Variants in PTBP3 observed in about 807,000 individuals in gnomAD.
The protein encoded by PTBP3 is polypyrimidine tract-binding protein 3.
In PTBP3, 20 loss-of-function variants were observed where a neutral mutation model predicts 58.7. The observed-to-expected ratio is 0.34, with a 90% CI of 0.24 to 0.50. The LOEUF is 0.50. PTBP3 is among the 20% of genes least tolerant of loss of function. PTBP3 has a pLI of 0.98. For missense variants in PTBP3, 509 were observed against 637.2 expected (o/e 0.80, Z 2.17); for synonymous variants, 185 against 219.8 (o/e 0.84, Z 1.40).
Position 112,234,816 on chromosome 9 carries a change from T to C in PTBP3, c.880+4A>G, listed in dbSNP as rs755518607. The C allele has an allele frequency of 6.2e-7, 1 of 1,606,210 alleles. No individual in the cohort carries two copies. ...TCATTTCAAATCCAACTTAAAAGAA[T>C]CACCTGTAGCTTGAGGAAATCCAAT... On this transcript the variant is annotated splice_donor_region_variant and intron_variant, in intron 8 of 13. Coordinates refer to ENST00000374257, the MANE Select transcript of PTBP3 (RefSeq NM_001163788.4).
chr9:112,324,859 G>A (rs1474303007), intron 1 of PTBP3, among the ~76,000 whole-genome samples: 1 of 152,096 alleles, frequency 6.6e-6, no homozygotes, highest in East Asian at 1.9e-4. Flanking sequence ...CAGTTTGGCT[G>A]ACACATGAGG....
intron 7 of PTBP3, chr9:112,242,806 C>G (rs1835712428): frequency 6.6e-6 from 1 of 152,274 alleles, no homozygotes; most frequent in Non-Finnish European, 1.5e-5. Context: ...CAACCTCGGC[C>G]TCCTGAATAG....
At chr9:112,351,387 G>A in the PTBP3 span, among the ~76,000 whole-genome samples, 2 of 152,176 alleles carry the variant, frequency 1.3e-5, no homozygotes, top group South Asian at 2.1e-4. Context: ...TGCCATTGAC[G>A]TCATATCAAG....
intron 1 of PTBP3, chr9:112,330,348 C>T: frequency 2.1e-6 from 2 of 967,430 alleles, no homozygotes; most frequent in Non-Finnish European, 3.1e-6. Context: ...AAGACTTTTA[C>T]ACAATAAAGC....
At chr9:112,341,170 C>T in the PTBP3 span, among the ~76,000 whole-genome samples, 3 of 152,030 alleles carry the variant, frequency 2.0e-5, no homozygotes, top group Admixed American at 1.3e-4. Flanking sequence ...TGTCTCAAGT[C>T]GCCCAGACTA....
At chr9:112,319,849 A>G (rs1418610712) in intron 1 of PTBP3, among the ~76,000 whole-genome samples, 1 of 152,230 alleles carries the variant, frequency 6.6e-6, no homozygotes, top group Non-Finnish European at 1.5e-5. Flanking sequence ...CAGTCTTTAA[A>G]AAGAAGGAAA....
At chr9:112,342,736 A>G in the PTBP3 span, among the ~76,000 whole-genome samples, 1 of 152,062 alleles carries the variant, frequency 6.6e-6, no homozygotes, top group Non-Finnish European at 1.5e-5. Flanking sequence ...AACAAAGAAG[A>G]AGAAGAAGAA....
chr9:112,370,698 T>A, the PTBP3 span, among the ~76,000 whole-genome samples: 1 of 152,222 alleles, frequency 6.6e-6, no homozygotes, highest in Admixed American at 6.5e-5. Context: ...AGGGATTGTA[T>A]TGAATTTGTA....
chr9:112,233,792 G>T (rs936691702), intron 8 of PTBP3, among the ~76,000 whole-genome samples: 1 of 152,100 alleles, frequency 6.6e-6, no homozygotes, highest in African/African-American at 2.4e-5. Context: ...TTAGCTGGGC[G>T]TGGTGACATG....
upstream of PTBP3, among the ~76,000 whole-genome samples, chr9:112,337,664 A>C (rs758000821): frequency 1.3e-5 from 2 of 152,152 alleles, no homozygotes; most frequent in African/African-American, 4.8e-5. Context: ...TTAGTTTATA[A>C]TTTTTCTAAC....
At chr9:112,303,587 T>G (rs926916174) in intron 1 of PTBP3, among the ~76,000 whole-genome samples, 1 of 152,198 alleles carries the variant, frequency 6.6e-6, no homozygotes, top group African/African-American at 2.4e-5. Context: ...TACTACAGGC[T>G]GGGCGCGGTG....
At chr9:112,314,211 C>T (rs1471913832) in intron 1 of PTBP3, among the ~76,000 whole-genome samples, 1 of 152,066 alleles carries the variant, frequency 6.6e-6, no homozygotes, top group East Asian at 1.9e-4. Context: ...CAAATGTATA[C>T]CACACAAATA....
At chr9:112,286,726 T>C (rs535026286) in intron 2 of PTBP3, among the ~76,000 whole-genome samples, 71 of 152,354 alleles carry the variant, frequency 4.7e-4, no homozygotes, top group African/African-American at 1.7e-3. Context: ...CACATATTTA[T>C]CATGCTGTAT....
intron 8 of PTBP3, among the ~76,000 whole-genome samples, chr9:112,234,024 T>C (rs1372743305): frequency 2.6e-5 from 4 of 152,130 alleles, no homozygotes; most frequent in Non-Finnish European, 5.9e-5. Flanking sequence ...AAAGCAGCTA[T>C]GTTGCAATTT....
chr9:112,297,961 T>C (rs1448193723), intron 1 of PTBP3, 45 bp from the exon 2 acceptor site: 3 of 1,421,724 alleles, frequency 2.1e-6, no homozygotes, highest in South Asian at 1.2e-5. Context: ...AAGTTTTAGA[T>C]AATGGTCCAT....
chr9:112,310,583 G>C (rs190263946), intron 1 of PTBP3, among the ~76,000 whole-genome samples: 3 of 152,262 alleles, frequency 2.0e-5, no homozygotes, highest in Admixed American at 6.5e-5. Context: ...GAAGATTAGG[G>C]AACAAACGAA....
chr9:112,313,265 T>C (rs1829562172), intron 1 of PTBP3, among the ~76,000 whole-genome samples: 1 of 152,170 alleles, frequency 6.6e-6, no homozygotes, highest in Non-Finnish European at 1.5e-5. Context: ...ACTGCAGTGA[T>C]GTAATCACAG....
At chr9:112,231,475 A>G (rs909799683) in intron 9 of PTBP3, 62 bp from the exon 10 acceptor site, 1 of 1,370,700 alleles carries the variant, frequency 7.3e-7, no homozygotes. Flanking sequence ...AAATAAGTTT[A>G]TTTATACTGT....
intron 7 of PTBP3, among the ~76,000 whole-genome samples, chr9:112,239,951 A>G (rs1217719408): frequency 1.3e-5 from 2 of 151,706 alleles, no homozygotes; most frequent in African/African-American, 4.8e-5. Context: ...GGCAGATGAG[A>G]AAAATCTCTC....
Sources: gnomAD v4.1 joint callset for allele counts (sites outside exome capture counted in the v4.1 genomes callset) on GRCh38, gnomAD v4.1.1 for gene constraint, MANE v1.5 for transcripts, NCBI Gene and HGNC (gene_info 2026-07-23, HGNC 2026-07-21) for gene names.